LRMDA: variants seen among roughly 807,000 people sequenced by gnomAD.
LRMDA encodes the protein leucine rich melanocyte differentiation associated, also known as leucine-rich melanocyte differentiation-associated protein.
In LRMDA, 18 loss-of-function variants were observed where a neutral mutation model predicts 29.8. The ratio of observed to expected loss-of-function variants is 0.60; its 90% CI spans 0.42 to 0.90. LRMDA has a LOEUF of 0.90. Ranked by LOEUF, LRMDA falls within the 40% of genes least tolerant of loss-of-function variation. The pLI is 0.00. For missense variants in LRMDA, 273 were observed against 273.9 expected, an observed-to-expected ratio of 1.00 and a Z score of 0.02; for synonymous variants, 125 against 109.4, an observed-to-expected ratio of 1.14 and a Z score of -0.89.
chr10:75,914,764 A>G (rs1393584204), intron 2 of LRMDA, among the ~76,000 whole-genome samples: 4 of 152,322 alleles, frequency 2.6e-5, no homozygotes, highest in Non-Finnish European at 4.4e-5. Context: ...ATTATAGACA[A>G]ATTTCTCACT....
chr10:76,239,548 C>T (rs906868871), intron 5 of LRMDA, among the ~76,000 whole-genome samples: 1 of 152,088 alleles, frequency 6.6e-6, no homozygotes, highest in African/African-American at 2.4e-5. Flanking sequence ...CTCCCCTTCT[C>T]CTTTTTCATC....
Position 75,949,516 on chromosome 10 carries a change from CAAG to C in LRMDA, c.132-86491_132-86489del, listed in dbSNP as rs142093506. Among the ~76,000 whole-genome samples the C allele has an allele frequency of 3.9e-3, 601 of 152,200 alleles. 4 individuals carry two copies. The highest frequency in any genetic ancestry group is 0.014 in the East Asian group (72 of 5,178). ...TGGGCTCACGTGGTTTTCCTAGGCA[CAAG>C]GGTTGGGGGAAGGCCATGGGGTATA... On this transcript the variant is annotated intron_variant, in intron 2 of 6. Transcript: ENST00000611255.
rs559528382 is a variant in LRMDA, at chr10:75,741,664, C to T, written c.132-294344C>T. Among the ~76,000 whole-genome samples the T allele has an allele frequency of 5.9e-5, 9 of 152,232 alleles. No homozygotes were observed. The East Asian group carries it at 7.7e-4, about 13-fold the overall frequency. On this transcript the variant is annotated intron_variant, in intron 2 of 6. Transcript: ENST00000611255. ...TATGCTGTGGATTTTTCAGAGCAAC[C>T]GCGTTCTTAATCCTTATCTTCGTTT...
At chr10:76,224,479 G>A (rs1202162164) in intron 5 of LRMDA, among the ~76,000 whole-genome samples, 1 of 151,904 alleles carries the variant, frequency 6.6e-6, no homozygotes, top group Admixed American at 6.6e-5. Flanking sequence ...GGCTATAGTA[G>A]GAGGATCACT....
intron 2 of LRMDA, among the ~76,000 whole-genome samples, chr10:75,589,602 A>G (rs763812452): frequency 5.3e-5 from 8 of 152,122 alleles, no homozygotes; most frequent in Non-Finnish European, 8.8e-5. Context: ...AAAAAACAAA[A>G]ACAAAACAAA....
chr10:75,543,259 T>A (rs1840041426), intron 2 of LRMDA, among the ~76,000 whole-genome samples: 1 of 152,158 alleles, frequency 6.6e-6, no homozygotes, highest in African/African-American at 2.4e-5. Flanking sequence ...CTGGAGAAAA[T>A]GAGCTGAACA....
chr10:76,023,940 T>C (rs1475394328), intron 2 of LRMDA, among the ~76,000 whole-genome samples: 1 of 152,252 alleles, frequency 6.6e-6, no homozygotes, highest in Non-Finnish European at 1.5e-5. Context: ...GTATCTCAGC[T>C]GATCCCCATT....
intron 5 of LRMDA, among the ~76,000 whole-genome samples, chr10:76,185,108 T>A (rs1177485173): frequency 6.6e-6 from 1 of 152,210 alleles, no homozygotes; most frequent in Non-Finnish European, 1.5e-5. Flanking sequence ...AAATACTCTT[T>A]CTGATTTTAA....
chr10:76,004,396 A>T (rs1184070068), intron 2 of LRMDA, among the ~76,000 whole-genome samples: 1 of 152,216 alleles, frequency 6.6e-6, no homozygotes, highest in Non-Finnish European at 1.5e-5. Context: ...CTTGTGAATC[A>T]CAGTTTCTTG....
At chr10:76,239,495 G>A (rs560424209) in intron 5 of LRMDA, among the ~76,000 whole-genome samples, 36 of 152,122 alleles carry the variant, frequency 2.4e-4, no homozygotes, top group East Asian at 1.9e-3. Context: ...CTTTTATTGC[G>A]TTGCTGTATC....
chr10:76,245,828 T>TG (rs1329520265), intron 5 of LRMDA, among the ~76,000 whole-genome samples: 1 of 152,118 alleles, frequency 6.6e-6, no homozygotes, highest in African/African-American at 2.4e-5. Flanking sequence ...GAGGGGAGGA[T>TG]GGGGATAAAG....
chr10:75,943,531 A>G (rs938861657), intron 2 of LRMDA, among the ~76,000 whole-genome samples: 2 of 152,212 alleles, frequency 1.3e-5, no homozygotes, highest in African/African-American at 4.8e-5. Flanking sequence ...AAAATGTCCC[A>G]AGCAAGTGGA....
At chr10:76,541,536 A>G (rs769792195) in intron 6 of LRMDA, among the ~76,000 whole-genome samples, 20 of 152,168 alleles carry the variant, frequency 1.3e-4, no homozygotes, top group South Asian at 2.1e-4. Flanking sequence ...AATTGAACTG[A>G]TGATTTTTGG....
chr10:76,283,609 T>C (rs954090438), intron 5 of LRMDA, among the ~76,000 whole-genome samples: 11 of 152,224 alleles, frequency 7.2e-5, no homozygotes, highest in Non-Finnish European at 1.5e-4. Context: ...GCTTACTATA[T>C]ACAACAAAGA....
intron 3 of LRMDA, among the ~76,000 whole-genome samples, chr10:76,043,715 C>A (rs1848379521): frequency 1.3e-5 from 2 of 152,296 alleles, no homozygotes; most frequent in Non-Finnish European, 1.5e-5. Context: ...AGGCCTACTT[C>A]CCCGAACATG....
chr10:76,101,173 C>T (rs1479369584), intron 5 of LRMDA, among the ~76,000 whole-genome samples: 4 of 152,064 alleles, frequency 2.6e-5, no homozygotes, highest in African/African-American at 9.7e-5. Context: ...CATTTTATTA[C>T]AAAAGTATCT....
At chr10:76,017,572 T>C (rs528066970) in intron 2 of LRMDA, among the ~76,000 whole-genome samples, 2 of 152,352 alleles carry the variant, frequency 1.3e-5, no homozygotes, top group African/African-American at 4.8e-5. Context: ...CCTTGTTTTC[T>C]GTCCGAGGTC....
chr10:75,582,739 T>C (rs1392688333), intron 2 of LRMDA, among the ~76,000 whole-genome samples: 1 of 152,236 alleles, frequency 6.6e-6, no homozygotes, highest in Non-Finnish European at 1.5e-5. Context: ...TTTTACTACA[T>C]GGCCGGGCTG....
At chr10:76,261,060 T>TTTTC (rs1206405775) in intron 5 of LRMDA, among the ~76,000 whole-genome samples, 1 of 112,096 alleles carries the variant, frequency 8.9e-6, no homozygotes, top group African/African-American at 3.9e-5. Flanking sequence ...GTTTCTTTTC[T>TTTTC]TTTCTTTTTT....
Sources: allele counts gnomAD v4.1 joint callset (sites outside exome capture counted in the v4.1 genomes callset), GRCh38; gene constraint gnomAD v4.1.1; transcripts MANE v1.5; gene names NCBI Gene and HGNC (gene_info 2026-07-23, HGNC 2026-07-21).